The following PIK3CB variants were observed in gnomAD, a reference collection of about 807,000 sequenced individuals.
PIK3CB encodes phosphatidylinositol 4,5-bisphosphate 3-kinase catalytic subunit beta isoform.
Under a neutral mutation model 136.8 loss-of-function variants are expected in PIK3CB, and 39 were observed. That is an observed-to-expected ratio of 0.29 (90% confidence interval 0.22 to 0.37). The LOEUF is 0.37. Ranked by LOEUF, PIK3CB falls within the 10% of genes least tolerant of loss-of-function variation. PIK3CB has a pLI of 1.00. For missense variants in PIK3CB, 868 were observed against 1,275.4 expected (o/e 0.68, Z 4.87); for synonymous variants, 428 against 436.6 (o/e 0.98, Z 0.25).
intron 19 of PIK3CB, among the ~76,000 whole-genome samples, chr3:138,673,363 T>G (rs1306325066): frequency 2.0e-5 from 3 of 152,086 alleles, no homozygotes; most frequent in Non-Finnish European, 4.4e-5. Context: ...GCACAGATTG[T>G]ACTGCAGACA....
intron 4 of PIK3CB, among the ~76,000 whole-genome samples, chr3:138,744,020 C>G (rs879044642): frequency 6.6e-6 from 1 of 152,050 alleles, no homozygotes; most frequent in African/African-American, 2.4e-5. Flanking sequence ...ATTATTCCAG[C>G]ACTCTTCTGA....
intron 1 of PIK3CB, among the ~76,000 whole-genome samples, chr3:138,818,611 CAT>C (rs1933431803): frequency 6.6e-6 from 1 of 152,088 alleles, no homozygotes; most frequent in Non-Finnish European, 1.5e-5. Context: ...CTTTTTGGCT[CAT>C]CTTACACCCT....
intron 11 of PIK3CB, among the ~76,000 whole-genome samples, chr3:138,705,191 A>AAAAC (rs2044350225): frequency 1.1e-5 from 1 of 93,516 alleles, no homozygotes; most frequent in African/African-American, 5.3e-5. Context: ...CAAAACAAAC[A>AAAAC]AAAAAAAAAA....
chr3:138,689,269 T>C (rs887265615), intron 15 of PIK3CB, among the ~76,000 whole-genome samples: 2 of 152,178 alleles, frequency 1.3e-5, no homozygotes, highest in Non-Finnish European at 2.9e-5. Flanking sequence ...GCCAACAGGA[T>C]GCAAGATGAA....
Position 138,778,837 on chromosome 3 carries a change from G to A in PIK3CB, c.-17+17626C>T, listed in dbSNP as rs921979382. ...GGACCACCAGCCCCAGTGAGACCAT[G>A]TAAGTAAGAGAGAGGCCCTCAGCTG... On this transcript the variant is annotated intron_variant, in intron 2 of 23. Coordinates refer to ENST00000674063, the MANE Select transcript of PIK3CB (RefSeq NM_006219.3). 6.3e-5 allele frequency: 12 copies of A among 191,916 alleles called. No homozygotes were observed. The South Asian group carries it at 1.2e-3, about 19-fold the overall frequency. 11.9% of individuals were successfully genotyped at this position (191,916 alleles called of 1,614,324 possible).
intron 18 of PIK3CB, 95 bp downstream of exon 18, chr3:138,683,583 T>A (rs1011334785): frequency 1.4e-6 from 1 of 712,654 alleles, no homozygotes; most frequent in African/African-American, 1.8e-5. Context: ...TGCAAATTGT[T>A]ACACACTTAC....
chr3:138,729,968 A>C (rs777798785), intron 8 of PIK3CB, among the ~76,000 whole-genome samples: 11 of 152,182 alleles, frequency 7.2e-5, no homozygotes, highest in Non-Finnish European at 1.6e-4. Flanking sequence ...AAAAGTTTGG[A>C]AAGAAAGATG....
At chr3:138,705,756 A>T (rs1055388932) in intron 11 of PIK3CB, among the ~76,000 whole-genome samples, 5 of 151,484 alleles carry the variant, frequency 3.3e-5, no homozygotes, top group Non-Finnish European at 7.4e-5. Flanking sequence ...TTTTCTGAAC[A>T]TTTTTTTTTC....
At chr3:138,674,171 A>C (rs1476469419) in intron 19 of PIK3CB, among the ~76,000 whole-genome samples, 1 of 151,916 alleles carries the variant, frequency 6.6e-6, no homozygotes, top group African/African-American at 2.4e-5. Context: ...GGAATCTAGA[A>C]GGCCGTGTGC....
At chr3:138,667,866 A>G (rs1350914903) in intron 19 of PIK3CB, among the ~76,000 whole-genome samples, 1 of 152,004 alleles carries the variant, frequency 6.6e-6, no homozygotes, top group Non-Finnish European at 1.5e-5. Context: ...CAGGGGTTCG[A>G]GACCAGCCTG....
chr3:138,720,326 T>C (rs1313342577), intron 8 of PIK3CB, among the ~76,000 whole-genome samples: 1 of 152,202 alleles, frequency 6.6e-6, no homozygotes, highest in Non-Finnish European at 1.5e-5. Context: ...TTACTGTTAA[T>C]ACATTCCCAA....
At chr3:138,655,582 T>C in intron 23 of PIK3CB, 56 bp from the exon 24 acceptor site, 3 of 1,399,192 alleles carry the variant, frequency 2.1e-6, no homozygotes, top group East Asian at 4.6e-5. Context: ...GATGTGCAAA[T>C]ATCAAAGTCT....
intron 16 of PIK3CB, among the ~76,000 whole-genome samples, chr3:138,688,432 C>T (rs1236358844): frequency 1.5e-5 from 2 of 130,448 alleles, no homozygotes; most frequent in Non-Finnish European, 1.5e-5. Flanking sequence ...ACCCGGGAGG[C>T]GGAGGTCGCA....
intron 2 of PIK3CB, among the ~76,000 whole-genome samples, chr3:138,765,310 C>A (rs946349781): frequency 6.6e-6 from 1 of 151,300 alleles, no homozygotes; most frequent in African/African-American, 2.4e-5. Flanking sequence ...GAGCAAGACT[C>A]CATTTCCAAA....
chr3:138,787,426 C>A (rs2045994241), intron 2 of PIK3CB, among the ~76,000 whole-genome samples: 1 of 149,414 alleles, frequency 6.7e-6, no homozygotes, highest in Non-Finnish European at 1.5e-5. Flanking sequence ...ACATCATTTA[C>A]AAAGAAAAAA....
At chr3:138,808,417 GC>G (rs1429601090) in intron 1 of PIK3CB, among the ~76,000 whole-genome samples, 1 of 152,054 alleles carries the variant, frequency 6.6e-6, no homozygotes, top group African/African-American at 2.4e-5. Context: ...GATCATTTGA[GC>G]CCAGGAGTTC....
chr3:138,664,312 G>A (rs1244256264), intron 20 of PIK3CB, among the ~76,000 whole-genome samples: 1 of 152,092 alleles, frequency 6.6e-6, no homozygotes, highest in African/African-American at 2.4e-5. Flanking sequence ...AATGTTCACA[G>A]TACTTAGAAG....
rs2043144166 is a variant in PIK3CB at position 138,653,084 on chromosome 3, A to T, written c.*2305T>A. ...AATACTATAAATCATTGCGGATATA[A>T]ATGAAAGATAATCTAAATAAATGGG... On this transcript the variant is annotated 3_prime_UTR_variant, in exon 24 of 24. Transcript: ENST00000674063. 5.3e-6 allele frequency: 1 copy of T among 189,702 alleles called. No homozygotes were observed. The highest frequency in any genetic ancestry group is 1.9e-4 in the South Asian group (1 of 5,144). The allele number at this position is 189,702 out of a possible 1,614,324, so 11.8% of individuals were successfully genotyped here.
intron 14 of PIK3CB, among the ~76,000 whole-genome samples, chr3:138,693,146 G>C (rs566252081): frequency 6.6e-6 from 1 of 152,242 alleles, no homozygotes; most frequent in African/African-American, 2.4e-5. Context: ...CCAGGCTGGA[G>C]TGTAGTGGCA....
Sources: allele counts gnomAD v4.1 joint callset (sites outside exome capture counted in the v4.1 genomes callset), GRCh38; gene constraint gnomAD v4.1.1; transcripts MANE v1.5; gene names NCBI Gene and HGNC (gene_info 2026-07-23, HGNC 2026-07-21).